Variants in ATRNL1 observed in about 807,000 individuals in gnomAD.
ATRNL1 encodes the protein attractin like 1.
In ATRNL1, 95 loss-of-function variants were observed where a neutral mutation model predicts 182.7. The ratio of observed to expected loss-of-function variants is 0.52; its 90% confidence interval spans 0.44 to 0.62. The LOEUF (loss-of-function observed/expected upper bound fraction) is 0.62. ATRNL1 is among the 20% of genes least tolerant of loss of function. ATRNL1 has a pLI of 0.00. For synonymous variants in ATRNL1, 576 were observed against 568.3 expected (o/e 1.01, Z -0.19); for missense variants, 1,471 against 1,679.5 (o/e 0.88, Z 2.17).
Position 115,273,978 on chromosome 10 carries a change from G to T in ATRNL1, c.2100+5534G>T, listed in dbSNP as rs763743182. Among the ~76,000 whole-genome samples, 40 of 152,150 alleles carry T rather than the reference G, an allele frequency of 2.6e-4. 1 individual carries two copies. The highest frequency in any genetic ancestry group is 1.0e-3 in the Admixed American group (16 of 15,282). ...TGATGGGCTGAAATCACATAATTTGGTGACCCATGGTTAAACATTCAGTTT... is the reference window on the plus strand; with the variant it reads ...TGATGGGCTGAAATCACATAATTTGTTGACCCATGGTTAAACATTCAGTTT... On this transcript the variant is annotated intron_variant, in intron 13 of 28. Transcript: ENST00000355044.
intron 21 of ATRNL1, among the ~76,000 whole-genome samples, chr10:115,431,494 C>T (rs537934939): frequency 9.9e-5 from 15 of 151,918 alleles, no homozygotes; most frequent in African/African-American, 3.6e-4. Context: ...CAAATTTTCG[C>T]TCATCAGCTG....
chr10:115,811,730 G>T (rs1950050581), intron 27 of ATRNL1, among the ~76,000 whole-genome samples: 1 of 151,948 alleles, frequency 6.6e-6, no homozygotes, highest in African/African-American at 2.4e-5. Context: ...ATTATATAAT[G>T]TTATACATTT....
At position 115,705,790 on chromosome 10, in the gene ATRNL1, G is replaced by A. The variant is rs890653774; in HGVS notation, c.3796-21458G>A. The stretch of plus-strand genomic sequence containing the variant: ...CTTTGAATTACCAGGTCAGACCACA[G>A]GGATTATGCAGAAAGTAGTTTATTT... On this transcript the variant is annotated intron_variant, in intron 26 of 28. Coordinates refer to ENST00000355044, the MANE Select transcript of ATRNL1 (RefSeq NM_207303.4). Among the ~76,000 whole-genome samples the A allele has an allele frequency of 2.6e-5, 4 of 151,874 alleles. 1 individual carries two copies. Among genetic ancestry groups the A allele is most frequent in the Non-Finnish European group, 5.9e-5 (4 of 67,906 alleles).
intron 5 of ATRNL1, among the ~76,000 whole-genome samples, chr10:115,140,318 A>G (rs563011411): frequency 5.3e-5 from 8 of 152,204 alleles, no homozygotes; most frequent in Non-Finnish European, 1.2e-4. Flanking sequence ...AAGGGGATTC[A>G]AATGATTGAG....
chr10:115,561,692 TGTGTGTGTGTGG>T (rs1244449656), intron 26 of ATRNL1, among the ~76,000 whole-genome samples: 1 of 45,720 alleles, frequency 2.2e-5, no homozygotes, highest in African/African-American at 5.8e-5. Flanking sequence ...TGTGTGTGGG[TGTGTGTGTGTGG>T]GTGTGTGTGT....
rs139693328 is a variant in ATRNL1 at position 115,797,941 on chromosome 10, G to A, written c.3904-49936G>A. ...ACCTTTTTTTTTCTTTTTTTGAGACGGAGTCTCGCTCTGTTGCCCAGGCTG... is the reference window on the plus strand; with the variant it reads ...ACCTTTTTTTTTCTTTTTTTGAGACAGAGTCTCGCTCTGTTGCCCAGGCTG... On this transcript the variant is annotated intron_variant, in intron 27 of 28. Coordinates refer to ENST00000355044, the MANE Select transcript of ATRNL1 (RefSeq NM_207303.4). 6.1e-4 allele frequency among the ~76,000 whole-genome samples: 93 copies of A among 151,776 alleles called. No individual in the cohort carries two copies. The East Asian group carries it at 0.017, about 27-fold the overall frequency.
intron 27 of ATRNL1, among the ~76,000 whole-genome samples, chr10:115,766,205 A>G (rs1948856174): frequency 6.6e-6 from 1 of 152,244 alleles, no homozygotes; most frequent in African/African-American, 2.4e-5. Flanking sequence ...AAAAAATCAT[A>G]GAAGTCAAAT....
intron 19 of ATRNL1, among the ~76,000 whole-genome samples, chr10:115,364,875 T>G (rs547036598): frequency 6.6e-6 from 1 of 151,208 alleles, no homozygotes; most frequent in Non-Finnish European, 1.5e-5. Flanking sequence ...GAAGCCCACT[T>G]GATCATGGTG....
chr10:115,603,734 A>G (rs1187923719), intron 26 of ATRNL1, among the ~76,000 whole-genome samples: 1 of 152,170 alleles, frequency 6.6e-6, no homozygotes, highest in African/African-American at 2.4e-5. Flanking sequence ...CTAAATATTT[A>G]CCCTATCCAT....
At chr10:115,776,189 G>A (rs1294675009) in intron 27 of ATRNL1, among the ~76,000 whole-genome samples, 2 of 152,024 alleles carry the variant, frequency 1.3e-5, no homozygotes, top group Non-Finnish European at 2.9e-5. Flanking sequence ...ATTATCTAGC[G>A]AGTAAATTCA....
chr10:115,424,630 C>T (rs907482501), intron 20 of ATRNL1, among the ~76,000 whole-genome samples: 1 of 152,064 alleles, frequency 6.6e-6, no homozygotes, highest in Non-Finnish European at 1.5e-5. Flanking sequence ...TGGGACACAA[C>T]ATGGATGAAC....
intron 19 of ATRNL1, among the ~76,000 whole-genome samples, chr10:115,385,927 G>T (rs1554952510): frequency 6.6e-6 from 1 of 151,992 alleles, no homozygotes; most frequent in African/African-American, 2.4e-5. Flanking sequence ...ACTCTCTTTG[G>T]CCTAATGTCA....
At chr10:115,113,627 A>G (rs1844351877) in intron 1 of ATRNL1, among the ~76,000 whole-genome samples, 2 of 152,136 alleles carry the variant, frequency 1.3e-5, no homozygotes, top group South Asian at 2.1e-4. Flanking sequence ...GCCTGCTGCC[A>G]TCCATGTAAG....
intron 26 of ATRNL1, among the ~76,000 whole-genome samples, chr10:115,636,878 A>C (rs1340587487): frequency 6.6e-6 from 1 of 152,244 alleles, no homozygotes; most frequent in Non-Finnish European, 1.5e-5. Flanking sequence ...TGCTAATAAA[A>C]AGGAATGACG....
chr10:115,456,955 T>A (rs1847554134), intron 21 of ATRNL1, among the ~76,000 whole-genome samples: 1 of 152,072 alleles, frequency 6.6e-6, no homozygotes, highest in South Asian at 2.1e-4. Context: ...TGGTGTGCAA[T>A]GACTTTTTTG....
chr10:115,820,453 A>T (rs1276291211), intron 27 of ATRNL1: 4 of 152,124 alleles, frequency 2.6e-5, no homozygotes, highest in African/African-American at 7.2e-5. Context: ...AAGGAGATGG[A>T]ACCATCTTTG....
At chr10:115,190,417 T>C (rs1333114451) in intron 8 of ATRNL1, among the ~76,000 whole-genome samples, 1 of 152,102 alleles carries the variant, frequency 6.6e-6, no homozygotes, top group African/African-American at 2.4e-5. Context: ...TTCAGAAAAT[T>C]CTTATTTTTC....
At chr10:115,138,667 G>T (rs1347174463) in intron 5 of ATRNL1, among the ~76,000 whole-genome samples, 1 of 152,172 alleles carries the variant, frequency 6.6e-6, no homozygotes, top group Non-Finnish European at 1.5e-5. Context: ...GGGGCCCTGG[G>T]CCTGAGCCAT....
intron 26 of ATRNL1, among the ~76,000 whole-genome samples, chr10:115,726,916 G>A (rs1395865517): frequency 2.0e-5 from 3 of 149,194 alleles, no homozygotes; most frequent in African/African-American, 7.5e-5. Flanking sequence ...AGGAAAATTT[G>A]GCATAGCCAT....
Sources: gnomAD v4.1 joint callset for allele counts (sites outside exome capture counted in the v4.1 genomes callset) on GRCh38, gnomAD v4.1.1 for gene constraint, MANE v1.5 for transcripts, NCBI Gene and HGNC (gene_info 2026-07-23, HGNC 2026-07-21) for gene names.